Variants in POFUT2 observed in about 807,000 individuals in gnomAD.
The protein encoded by POFUT2 is GDP-fucose protein O-fucosyltransferase 2.
In POFUT2, 30 loss-of-function variants were observed where a neutral mutation model predicts 55.0. That is an observed-to-expected ratio of 0.55 (90% CI 0.41 to 0.74). The LOEUF (loss-of-function observed/expected upper bound fraction) is 0.74, where lower values mean the gene tolerates loss of function less well. Ranked by LOEUF, POFUT2 falls within the 30% of genes least tolerant of loss-of-function variation. The pLI is 0.00. For missense variants in POFUT2, 524 were observed against 562.6 expected (o/e 0.93, Z 0.69); for synonymous variants, 267 against 231.1 (o/e 1.16, Z -1.41).
At position 45,276,405 on chromosome 21, in the gene POFUT2, G is replaced by A. The variant is rs574050652; in HGVS notation, c.831+612C>T. On this transcript the variant is annotated intron_variant, in intron 6 of 8. Transcript: ENST00000349485. Reference sequence around the variant, plus strand: ...CTCAAATACCCCATAAAGAACAAGCGAGTAAAATGGCACTTCTATGAAAGT... The same window carrying A: ...CTCAAATACCCCATAAAGAACAAGCAAGTAAAATGGCACTTCTATGAAAGT... Among the ~76,000 whole-genome samples, 7 of 152,146 alleles carry A rather than the reference G, an allele frequency of 4.6e-5. No individual in the cohort carries two copies. The South Asian group carries it at 6.2e-4, about 14-fold the overall frequency.
In POFUT2 at chr21:45,282,979, A is replaced by C. The variant is rs1318580152; in HGVS notation, c.527+404T>G. On this transcript the variant is annotated intron_variant, in intron 3 of 8. Coordinates refer to ENST00000349485, the MANE Select transcript of POFUT2 (RefSeq NM_133635.6). The surrounding 1 kb of genome is among the most constrained non-coding windows in gnomAD (Gnocchi z 4.6). The stretch of plus-strand genomic sequence containing the variant: ...AATGCATGAAAAGACACAGGGAAAG[A>C]GGCACGGGGTCTCAGCCAGATGTTC... The C allele has an allele frequency of 4.3e-6, 2 of 467,612 alleles. No homozygotes were observed. Among genetic ancestry groups the C allele is most frequent in the Admixed American group, 4.7e-5 (2 of 42,402 alleles). The allele number at this position is 467,612 out of a possible 1,614,324, so 29.0% of individuals were successfully genotyped here.
Position 45,285,623 on chromosome 21 carries a change from A to G in POFUT2, c.382+55T>C. 1 of 1,609,774 alleles carries G rather than the reference A, an allele frequency of 6.2e-7. No individual in the cohort carries two copies. The highest frequency in any genetic ancestry group is 8.5e-7 in the Non-Finnish European group (1 of 1,178,716). On this transcript the variant is annotated intron_variant, in intron 2 of 8. Transcript: ENST00000349485. This position sits in a 1 kb window ranked among gnomAD's most constrained non-coding sequence, Gnocchi z 4.9. ...CAACCTGATGTCTACCTTAGAAATG[A>G]CTGCCTGGCCCCAGTTAAGCAACCA...
chr21:45,276,304 A>T (rs575442832), intron 6 of POFUT2, among the ~76,000 whole-genome samples: 1 of 152,024 alleles, frequency 6.6e-6, no homozygotes, highest in African/African-American at 2.4e-5. Flanking sequence ...AATCTTCTAT[A>T]TTTTTTCCCC....
intron 6 of POFUT2, among the ~76,000 whole-genome samples, chr21:45,274,586 A>C (rs761838502): frequency 6.6e-6 from 1 of 152,250 alleles, no homozygotes; most frequent in Non-Finnish European, 1.5e-5. Flanking sequence ...TAGTTACCAA[A>C]ACAGCATGGT....
rs549806666 is a variant in POFUT2 at position 45,266,812 on chromosome 21, G to A, written c.1136+778C>T. On this transcript the variant is annotated intron_variant, in intron 8 of 8. Transcript: ENST00000349485. ...GAGAGACAGACTAACCCACAGAGAC[G>A]CACGCGTGTGCACAGTGCTAACCAC... The A allele has an allele frequency of 2.4e-4, 242 of 997,974 alleles. 3 individuals carry two copies. The African/African-American group carries it at 3.4e-3, about 14-fold the overall frequency. The allele number at this position is 997,974 out of a possible 1,614,324, so 61.8% of individuals were successfully genotyped here.
In POFUT2 at chr21:45,281,704, G is replaced by A. The variant is rs2030662634; in HGVS notation, c.638+645C>T. 1.3e-5 allele frequency among the ~76,000 whole-genome samples: 2 copies of A among 152,056 alleles called. No homozygotes were observed. The highest frequency in any genetic ancestry group is 4.2e-4 in the South Asian group (2 of 4,796). On this transcript the variant is annotated intron_variant, in intron 4 of 8. Transcript: ENST00000349485. This position sits in a 1 kb window ranked among gnomAD's most constrained non-coding sequence, Gnocchi z 5.0. ...GCCCTGCTATGCCTGGTCTATGGGA[G>A]ACGCTCACAGTGCCTGCTGGGGGAT...
chr21:45,287,749 G>A lies in POFUT2; in HGVS notation c.123C>T (p.Ser41=), dbSNP rs2031638245. Residue 41 remains serine (S), a synonymous_variant, in exon 1 of 9, where the codon TCC becomes TCT. Coordinates refer to ENST00000349485, the MANE Select transcript of POFUT2 (RefSeq NM_133635.6). The part of the protein sequence containing the change: ...SAADILSGAA[S]RRRYLLYDVN... The stretch of plus-strand genomic sequence containing the variant: ...CGTGGACGCGCGTTTACCGTCTGCG[G>A]GAAGCCGCCCCCGACAGAATATCGG... 2.4e-5 allele frequency: 35 copies of A among 1,478,634 alleles called. No individual in the cohort carries two copies. Among genetic ancestry groups the A allele is most frequent in the Non-Finnish European group, 3.1e-5 (34 of 1,109,424 alleles). 91.6% of individuals were successfully genotyped at this position (1,478,634 alleles called of 1,614,324 possible).
At chr21:45,287,674 C>CCCCAACCCAACAAAGAA in intron 1 of POFUT2, 67 bp downstream of exon 1, 1 of 1,162,082 alleles carries the variant, frequency 8.6e-7, no homozygotes, top group Non-Finnish European at 1.1e-6. Flanking sequence ...CCGCCCCGCC[C>CCCCAACCCAACAAAGAA]CCATCCCATC....
chr21:45,283,004 C>A, intron 3 of POFUT2: 1 of 448,334 alleles, frequency 2.2e-6, no homozygotes, highest in South Asian at 1.6e-5. Context: ...GCCAGATGTT[C>A]ATCACGGCCC....
chr21:45,283,134 C>T (rs961690247), intron 3 of POFUT2, among the ~76,000 whole-genome samples: 4 of 150,954 alleles, frequency 2.6e-5, no homozygotes, highest in African/African-American at 4.9e-5. Flanking sequence ...CAGGAGGGGA[C>T]GCCCAGAACC....
intron 6 of POFUT2, among the ~76,000 whole-genome samples, chr21:45,272,748 G>C (rs2093229907): frequency 6.6e-6 from 1 of 151,928 alleles, no homozygotes; most frequent in Non-Finnish European, 1.5e-5. Context: ...AATCCAAAAG[G>C]AACCCTCAAA....
chr21:45,287,674 CCCAT>C, intron 1 of POFUT2, 63 bp downstream of exon 1: 4 of 1,162,082 alleles, frequency 3.4e-6, no homozygotes, highest in Non-Finnish European at 4.5e-6. Flanking sequence ...CCGCCCCGCC[CCCAT>C]CCCATCCTCT....
chr21:45,286,917 G>A (rs1456597804), intron 1 of POFUT2, among the ~76,000 whole-genome samples: 1 of 152,180 alleles, frequency 6.6e-6, no homozygotes, highest in Non-Finnish European at 1.5e-5. Context: ...TCTTGGCCCT[G>A]AGAATTCACT....
chr21:45,272,396 A>G (rs888231623), intron 6 of POFUT2, among the ~76,000 whole-genome samples: 10 of 152,214 alleles, frequency 6.6e-5, no homozygotes, highest in Non-Finnish European at 1.3e-4. Flanking sequence ...TGGAGCTACC[A>G]AATTTATAAA....
At chr21:45,266,516 G>A (rs1182626861) in intron 8 of POFUT2, 8 of 1,085,656 alleles carry the variant, frequency 7.4e-6, no homozygotes, top group East Asian at 7.5e-5. Context: ...CCTGGGCTGC[G>A]GAGACAGCAC....
In POFUT2 at chr21:45,282,349, C is replaced by G. The variant is rs146577086; in HGVS notation, c.638G>C (p.Arg213Pro). 6.2e-7 allele frequency: 1 copy of G among 1,602,156 alleles called. No homozygotes were observed. Among genetic ancestry groups the G allele is most frequent in the Admixed American group, 1.7e-5 (1 of 59,976 alleles). The change falls in exon 4 of 9, where the codon CGG (arginine) becomes CCG (proline). Residue 213 changes from arginine (R) to proline (P), a missense_variant and splice_region_variant. Coordinates refer to ENST00000349485, the MANE Select transcript of POFUT2 (RefSeq NM_133635.6). The surrounding 1 kb of genome is among the most constrained non-coding windows in gnomAD (Gnocchi z 4.6). Reference sequence around the variant, plus strand: ...CTCCCGGGGGGCCTGGGGCACTCACCGGGCTGATGTGTTTCTCAGCAGCAG... The same window carrying G: ...CTCCCGGGGGGCCTGGGGCACTCACGGGGCTGATGTGTTTCTCAGCAGCAG... ...APLLLRNTSA[R>P]SVMLDRAENL...
chr21:45,283,065 G>A (rs972754446), intron 3 of POFUT2: 17 of 386,452 alleles, frequency 4.4e-5, no homozygotes, highest in Non-Finnish European at 7.8e-5. Context: ...GACGAGGAAC[G>A]GTGTGGGCAG....
rs1383207462 is a variant in POFUT2, at chr21:45,273,423, A to G, written c.832-3404T>C. ...GCCAACAAAAAAAGTCCAGGACCCA[A>G]TGAATTCACAGCTGAAATCAGACAC... is the stretch of plus-strand genomic sequence containing the variant. On this transcript the variant is annotated intron_variant, in intron 6 of 8. Transcript: ENST00000349485. 3.3e-5 allele frequency among the ~76,000 whole-genome samples: 5 copies of G among 152,222 alleles called. No homozygotes were observed. In the South Asian group the frequency reaches 6.2e-4, roughly 19 times the overall value.
intron 4 of POFUT2, among the ~76,000 whole-genome samples, chr21:45,278,920 G>A (rs944229058): frequency 5.3e-5 from 8 of 152,168 alleles, no homozygotes; most frequent in South Asian, 2.1e-4. Context: ...CTAATTCCAC[G>A]TGGGAAGTGC....
Sources: gnomAD v4.1 joint callset for allele counts (sites outside exome capture counted in the v4.1 genomes callset) on GRCh38, gnomAD v4.1.1 for gene constraint, Gnocchi (gnomAD v3.1) non-coding constraint, MANE v1.5 for transcripts, NCBI Gene and HGNC (gene_info 2026-07-23, HGNC 2026-07-21) for gene names.